Variants in NALF1 observed in about 807,000 individuals in gnomAD.
NALF1 encodes NALCN channel auxiliary factor 1, also known as family with sequence similarity 155 member A.
Under a neutral mutation model 48.4 loss-of-function variants are expected in NALF1, and 3 were observed. The observed-to-expected ratio is 0.06, with a 90% CI of 0.03 to 0.16. The LOEUF (loss-of-function observed/expected upper bound fraction) is 0.16, where lower values mean the gene tolerates loss of function less well. Ranked by LOEUF, NALF1 falls within the 10% of genes least tolerant of loss-of-function variation. The pLI, the probability that NALF1 is intolerant of heterozygous loss-of-function variation, is 1.00. For synonymous variants in NALF1, 262 were observed against 245.7 expected (o/e 1.07, Z -0.62); for missense variants, 526 against 571.5 (o/e 0.92, Z 0.81).
In NALF1 at chr13:107,428,385, G is replaced by A. The variant is rs116598919; in HGVS notation, c.916-217630C>T. On this transcript the variant is annotated intron_variant, in intron 1 of 2. Coordinates refer to ENST00000375915, the MANE Select transcript of NALF1 (RefSeq NM_001080396.3). The stretch of plus-strand genomic sequence containing the variant: ...ACCCAGCATTTGGGAGCTTTGAGGC[G>A]ATCTATGCTGCCTTCTGTATGGGAA... 2.5e-3 allele frequency among the ~76,000 whole-genome samples: 384 copies of A among 152,284 alleles called. 1 individual carries two copies. Among genetic ancestry groups the A allele is most frequent in the African/African-American group, 8.8e-3 (365 of 41,558 alleles).
At chr13:107,508,731 G>A (rs1045450088) in intron 1 of NALF1, among the ~76,000 whole-genome samples, 17 of 152,142 alleles carry the variant, frequency 1.1e-4, no homozygotes, top group African/African-American at 2.9e-4. Flanking sequence ...TTACAGGCTT[G>A]CAACTACGCA....
intron 1 of NALF1, among the ~76,000 whole-genome samples, chr13:107,520,615 T>C (rs1353282951): frequency 1.3e-5 from 2 of 152,232 alleles, no homozygotes; most frequent in East Asian, 3.8e-4. Context: ...CAATTCCTCA[T>C]GCATGAAGTT....
rs1213543245 is a variant in NALF1 at position 107,166,401 on chromosome 13, C to T, written c.*4096G>A. 6.6e-6 allele frequency: 1 copy of T among 152,204 alleles called. No homozygotes were observed. The highest frequency in any genetic ancestry group is 2.1e-4 in the South Asian group (1 of 4,830). The allele number at this position is 152,204 out of a possible 1,614,324, so 9.4% of individuals were successfully genotyped here. On this transcript the variant is annotated 3_prime_UTR_variant, in exon 3 of 3. Coordinates refer to ENST00000375915, the MANE Select transcript of NALF1 (RefSeq NM_001080396.3). ...TGCCGCTGCATTCCAGCTTGAGCAA[C>T]AGAGCAAGATGCCATCTCAAAAAAC... is the stretch of plus-strand genomic sequence containing the variant.
intron 2 of NALF1, among the ~76,000 whole-genome samples, chr13:107,174,919 T>C (rs1878887594): frequency 6.6e-6 from 1 of 151,566 alleles, no homozygotes. Flanking sequence ...AGTCTCGCTC[T>C]GTCGCCCAGG....
At chr13:107,533,031 G>C (rs557692905) in intron 1 of NALF1, among the ~76,000 whole-genome samples, 1 of 152,180 alleles carries the variant, frequency 6.6e-6, no homozygotes, top group Non-Finnish European at 1.5e-5. Context: ...TTAGAAACCA[G>C]ACACTTTGAC....
At chr13:107,372,748 T>C (rs544954479) in intron 1 of NALF1, among the ~76,000 whole-genome samples, 1 of 152,344 alleles carries the variant, frequency 6.6e-6, no homozygotes, top group South Asian at 2.1e-4. Flanking sequence ...CAATCTGTTA[T>C]CAAACATGCT....
intron 1 of NALF1, 109 bp from the exon 2 acceptor site, chr13:107,210,864 G>A: frequency 2.9e-6 from 2 of 696,808 alleles, no homozygotes; most frequent in Non-Finnish European, 4.9e-6. Context: ...GATCCTAAGA[G>A]AGCCCTCATT....
intron 1 of NALF1, among the ~76,000 whole-genome samples, chr13:107,653,354 C>A (rs1880494202): frequency 6.6e-6 from 1 of 151,994 alleles, no homozygotes; most frequent in Non-Finnish European, 1.5e-5. Context: ...AGTTTCCTGA[C>A]TGTTGAAAGA....
chr13:107,589,914 A>T (rs1290927779), intron 1 of NALF1, among the ~76,000 whole-genome samples: 1 of 152,028 alleles, frequency 6.6e-6, no homozygotes, highest in Non-Finnish European at 1.5e-5. Flanking sequence ...ATCTCAGATG[A>T]AAGATGGTAC....
At chr13:107,523,943 C>T (rs1281715446) in intron 1 of NALF1, among the ~76,000 whole-genome samples, 1 of 152,002 alleles carries the variant, frequency 6.6e-6, no homozygotes, top group Non-Finnish European at 1.5e-5. Context: ...TGTAAATCTA[C>T]AATGGCTATA....
intron 1 of NALF1, among the ~76,000 whole-genome samples, chr13:107,473,723 C>T (rs181987576): frequency 5.6e-4 from 86 of 152,318 alleles, no homozygotes; most frequent in African/African-American, 1.8e-3. Context: ...ATTCAGCAGA[C>T]GCCCTTCCAC....
chr13:107,663,586 T>A (rs1251843735), intron 1 of NALF1, among the ~76,000 whole-genome samples: 1 of 152,228 alleles, frequency 6.6e-6, no homozygotes, highest in Non-Finnish European at 1.5e-5. Context: ...TAATATCTCA[T>A]ACCACAGTTA....
chr13:107,435,328 G>GAA (rs11408117), intron 1 of NALF1, among the ~76,000 whole-genome samples: 48 of 148,732 alleles, frequency 3.2e-4, no homozygotes, highest in East Asian at 2.2e-3. Flanking sequence ...AGGTTGATTA[G>GAA]AAAAAAAAAA....
chr13:107,197,496 T>A (rs1018569802), intron 2 of NALF1, among the ~76,000 whole-genome samples: 11 of 152,206 alleles, frequency 7.2e-5, no homozygotes, highest in Non-Finnish European at 1.6e-4. Context: ...ATTTGCTAAA[T>A]TTAATTGTTG....
chr13:107,287,886 T>C (rs966668706), intron 1 of NALF1, among the ~76,000 whole-genome samples: 1 of 151,548 alleles, frequency 6.6e-6, no homozygotes, highest in Admixed American at 6.6e-5. Context: ...TTTGTATTTT[T>C]AGTAGAGATG....
intron 1 of NALF1, among the ~76,000 whole-genome samples, chr13:107,257,956 A>G (rs1880853410): frequency 6.6e-6 from 1 of 152,236 alleles, no homozygotes; most frequent in Non-Finnish European, 1.5e-5. Flanking sequence ...TTACATAGTG[A>G]AATAGGCTTC....
intron 1 of NALF1, among the ~76,000 whole-genome samples, chr13:107,517,393 G>A (rs1214901443): frequency 6.6e-6 from 1 of 151,914 alleles, no homozygotes; most frequent in Non-Finnish European, 1.5e-5. Context: ...CACTTTGGGA[G>A]GCTGAGGAGG....
chr13:107,534,758 G>T (rs1876751416), intron 1 of NALF1, among the ~76,000 whole-genome samples: 1 of 152,138 alleles, frequency 6.6e-6, no homozygotes, highest in Non-Finnish European at 1.5e-5. Context: ...CTCTGAAGCA[G>T]GAGACCCCTG....
At chr13:107,399,750 A>G (rs1883772703) in intron 1 of NALF1, among the ~76,000 whole-genome samples, 1 of 152,174 alleles carries the variant, frequency 6.6e-6, no homozygotes, top group African/African-American at 2.4e-5. Context: ...AATTCCCAGC[A>G]TGGATTTCTG....
Sources: allele counts gnomAD v4.1 joint callset (sites outside exome capture counted in the v4.1 genomes callset), GRCh38; gene constraint gnomAD v4.1.1; transcripts MANE v1.5; gene names NCBI Gene and HGNC (gene_info 2026-07-23, HGNC 2026-07-21).